Variants in EHBP1 observed in about 807,000 individuals in gnomAD.
The protein encoded by EHBP1 is EH domain binding protein 1.
EHBP1 carries 55 observed loss-of-function variants against 144.0 expected under a neutral mutation model. The observed-to-expected ratio is 0.38, with a 90% CI of 0.31 to 0.48. The LOEUF (loss-of-function observed/expected upper bound fraction) is 0.48, where lower values mean the gene tolerates loss of function less well. Among genes scored for constraint, EHBP1 ranks in the 20% least tolerant of loss-of-function variants. The pLI, the probability that EHBP1 is intolerant of heterozygous loss-of-function variation, is 0.98. For missense variants in EHBP1, 1,200 were observed against 1,364.2 expected, an observed-to-expected ratio of 0.88 and a Z score of 1.90; for synonymous variants, 469 against 472.7, an observed-to-expected ratio of 0.99 and a Z score of 0.10.
In EHBP1 at chr2:62,940,090, T is replaced by C. The variant is rs186309320; in HGVS notation, c.1186-2628T>C. ...AAGAATCTCAAAGTGAAAGGACCAGTTGGGATGCCTACCAAGACTTTGAGA... is the reference window on the plus strand; with the variant it reads ...AAGAATCTCAAAGTGAAAGGACCAGCTGGGATGCCTACCAAGACTTTGAGA... On this transcript the variant is annotated intron_variant, in intron 10 of 22. Coordinates refer to ENST00000431489, the MANE Select transcript of EHBP1 (RefSeq NM_001142616.3). 22 of 435,610 alleles carry C rather than the reference T, an allele frequency of 5.1e-5. No homozygotes were observed. The East Asian group carries it at 1.3e-3, about 26-fold the overall frequency. 27.0% of individuals were successfully genotyped at this position (435,610 alleles called of 1,614,324 possible).
intron 16 of EHBP1, 67 bp from the exon 17 acceptor site, chr2:62,993,463 C>A: frequency 7.5e-7 from 1 of 1,332,660 alleles, no homozygotes; most frequent in Non-Finnish European, 9.8e-7. Flanking sequence ...TAAAAATTGC[C>A]TTACTAATGT....
At chr2:62,982,790 C>G (rs771560956) in intron 15 of EHBP1, among the ~76,000 whole-genome samples, 13 of 152,114 alleles carry the variant, frequency 8.5e-5, no homozygotes, top group Admixed American at 2.0e-4. Context: ...AACTCACCTG[C>G]GAAAGCCTAC....
chr2:62,803,785 A>T (rs2044226040), intron 5 of EHBP1, among the ~76,000 whole-genome samples: 2 of 152,184 alleles, frequency 1.3e-5, no homozygotes, highest in Admixed American at 6.5e-5. Flanking sequence ...TTCAGTATTT[A>T]TACGTTCAAA....
intron 10 of EHBP1, among the ~76,000 whole-genome samples, chr2:62,926,689 A>T (rs889528653): frequency 6.6e-6 from 1 of 152,158 alleles, no homozygotes; most frequent in Non-Finnish European, 1.5e-5. Flanking sequence ...ACAACAAAAA[A>T]ACAAATGCTG....
chr2:62,701,751 A>G (rs2034287999), upstream of EHBP1, among the ~76,000 whole-genome samples: 1 of 152,222 alleles, frequency 6.6e-6, no homozygotes, highest in African/African-American at 2.4e-5. Context: ...TTTTAAGGAC[A>G]TAAAAATTGC....
chr2:62,996,691 C>G lies in EHBP1; in HGVS notation c.3028C>G (p.Leu1010Val). Residue 1010 changes from leucine (L) to valine (V), a missense_variant, in exon 19 of 23, where the codon CTA (leucine) becomes GTA (valine). Around this residue, in one of 6 missense-constraint regions of EHBP1, gnomAD observed 149 missense variants for 217.0 expected, o/e 0.69. Coordinates refer to ENST00000431489, the MANE Select transcript of EHBP1 (RefSeq NM_001142616.3). ...SQYVVGELAA[L>V]ENEQKQIDTR... is the part of the protein sequence containing the mutation. Reference sequence around the variant, plus strand: ...GTATGTAGTAGGAGAATTGGCAGCACTAGAGAATGAGCAAAAGCAAATTGA... The same window carrying G: ...GTATGTAGTAGGAGAATTGGCAGCAGTAGAGAATGAGCAAAAGCAAATTGA... 6.2e-7 allele frequency: 1 copy of G among 1,613,344 alleles called. No individual in the cohort carries two copies. The highest frequency in any genetic ancestry group is 8.5e-7 in the Non-Finnish European group (1 of 1,179,630).
At chr2:62,786,160 C>T (rs1353725507) in intron 5 of EHBP1, among the ~76,000 whole-genome samples, 1 of 152,170 alleles carries the variant, frequency 6.6e-6, no homozygotes, top group East Asian at 1.9e-4. Flanking sequence ...TGAAATCTCT[C>T]ATGCAGTTGT....
At chr2:62,975,266 A>C (rs547889305) in intron 14 of EHBP1, among the ~76,000 whole-genome samples, 1 of 152,170 alleles carries the variant, frequency 6.6e-6, no homozygotes, top group South Asian at 2.1e-4. Flanking sequence ...CAGAAAGGGT[A>C]TGGCCTTTTC....
intron 1 of EHBP1, among the ~76,000 whole-genome samples, chr2:62,685,276 G>A (rs1244578979): frequency 6.6e-6 from 1 of 151,900 alleles, no homozygotes; most frequent in Non-Finnish European, 1.5e-5. Flanking sequence ...ACATCACTTT[G>A]TACCCCATAA....
chr2:62,969,627 A>G (rs1447990198), intron 14 of EHBP1, among the ~76,000 whole-genome samples: 1 of 152,198 alleles, frequency 6.6e-6, no homozygotes, highest in Admixed American at 6.5e-5. Context: ...ATCTTAAACA[A>G]ATCCAAAATT....
At chr2:62,747,958 C>G (rs942438581) in intron 3 of EHBP1, among the ~76,000 whole-genome samples, 6 of 152,006 alleles carry the variant, frequency 3.9e-5, no homozygotes, top group African/African-American at 1.4e-4. Context: ...GATGCCGATG[C>G]CTTGATCTTG....
intron 10 of EHBP1, among the ~76,000 whole-genome samples, chr2:62,894,071 A>G (rs2052682075): frequency 6.6e-6 from 1 of 151,834 alleles, no homozygotes; most frequent in African/African-American, 2.4e-5. Flanking sequence ...CAGCAACAAC[A>G]CAAAGACATC....
intron 7 of EHBP1, among the ~76,000 whole-genome samples, chr2:62,835,633 G>C (rs867830431): frequency 6.6e-6 from 1 of 152,116 alleles, no homozygotes; most frequent in African/African-American, 2.4e-5. Context: ...CAGTGGGTGC[G>C]CGCACCGTGC....
chr2:62,754,749 C>T (rs549749293), intron 3 of EHBP1, among the ~76,000 whole-genome samples: 1 of 152,344 alleles, frequency 6.6e-6, no homozygotes, highest in African/African-American at 2.4e-5. Flanking sequence ...GCTGTACTAG[C>T]AATGGGCAGG....
chr2:63,027,883 T>A (rs2061050879), intron 19 of EHBP1, among the ~76,000 whole-genome samples: 1 of 152,176 alleles, frequency 6.6e-6, no homozygotes, highest in African/African-American at 2.4e-5. Flanking sequence ...AGGAATACGT[T>A]CACCAAATCT....
intron 2 of EHBP1, among the ~76,000 whole-genome samples, chr2:62,746,190 ATGT>A (rs1296584067): frequency 2.0e-5 from 3 of 152,026 alleles, no homozygotes; most frequent in Non-Finnish European, 4.4e-5. Flanking sequence ...CCCATCTATC[ATGT>A]TGTTATACCG....
chr2:62,729,393 TTA>T (rs1211530573), intron 2 of EHBP1, among the ~76,000 whole-genome samples: 1 of 115,300 alleles, frequency 8.7e-6, no homozygotes, highest in Non-Finnish European at 1.7e-5. Context: ...ATCATATTTA[TTA>T]TATATAATAA....
At chr2:62,767,875 C>G (rs1430654174) in intron 4 of EHBP1, among the ~76,000 whole-genome samples, 1 of 147,652 alleles carries the variant, frequency 6.8e-6, no homozygotes, top group Non-Finnish European at 1.5e-5. Flanking sequence ...GAAAATCACT[C>G]AAAACCATGC....
chr2:62,708,046 G>A (rs375994706), intron 2 of EHBP1, among the ~76,000 whole-genome samples: 4 of 152,162 alleles, frequency 2.6e-5, no homozygotes, highest in East Asian at 3.9e-4. Context: ...GCAAATGGTC[G>A]TTTGGGTCTT....
Sources: allele counts gnomAD v4.1 joint callset (sites outside exome capture counted in the v4.1 genomes callset), GRCh38; gene constraint gnomAD v4.1.1; regional missense constraint gnomAD v4.1.1; transcripts MANE v1.5; gene names NCBI Gene and HGNC (gene_info 2026-07-23, HGNC 2026-07-21).